Variants in OXCT1 observed in about 807,000 individuals in gnomAD.
OXCT1 encodes succinyl-CoA:3-ketoacid coenzyme A transferase 1, mitochondrial.
In OXCT1, 27 loss-of-function variants were observed where a neutral mutation model predicts 69.6. The ratio of observed to expected loss-of-function variants is 0.39; its 90% CI spans 0.29 to 0.54. OXCT1 has a LOEUF of 0.54. OXCT1 is among the 20% of genes least tolerant of loss of function. The pLI is 0.72. For synonymous variants in OXCT1, 202 were observed against 217.8 expected (o/e 0.93, Z 0.64); for missense variants, 437 against 650.2 (o/e 0.67, Z 3.57).
At position 41,849,276 on chromosome 5, in the gene OXCT1, G is replaced by T. The variant is rs1399575331; in HGVS notation, c.564+754C>A. Among the ~76,000 whole-genome samples, 4 of 152,246 alleles carry T rather than the reference G, an allele frequency of 2.6e-5. No homozygotes were observed. In the East Asian group the frequency reaches 7.7e-4, roughly 29 times the overall value. ...GATAAGAGATCCCCTGATTTACTAC[G>T]TTCACTTCCCCAGAGATGACTACAG... On this transcript the variant is annotated intron_variant, in intron 5 of 16. Transcript: ENST00000196371.
chr5:41,856,640 C>T (rs1749442559), intron 3 of OXCT1, among the ~76,000 whole-genome samples: 1 of 152,170 alleles, frequency 6.6e-6, no homozygotes, highest in Admixed American at 6.5e-5. Context: ...ACCTCCTACT[C>T]AACGTGTTTT....
chr5:41,824,870 G>A (rs1266898339), intron 7 of OXCT1, among the ~76,000 whole-genome samples: 1 of 152,114 alleles, frequency 6.6e-6, no homozygotes, highest in Admixed American at 6.6e-5. Flanking sequence ...GCCTGAGTTT[G>A]GTAATAACGA....
chr5:41,778,052 G>A (rs1404810449), intron 13 of OXCT1, among the ~76,000 whole-genome samples: 2 of 152,168 alleles, frequency 1.3e-5, no homozygotes, highest in Non-Finnish European at 2.9e-5. Flanking sequence ...ACATGTACTT[G>A]AGTCAAAGCT....
At chr5:41,788,219 C>T (rs557845801) in intron 13 of OXCT1, among the ~76,000 whole-genome samples, 1 of 151,894 alleles carries the variant, frequency 6.6e-6, no homozygotes, top group South Asian at 2.1e-4. Context: ...ATATGGTAGA[C>T]CCTAGAGAAG....
intron 12 of OXCT1, chr5:41,794,326 T>C (rs1746074654): frequency 8.4e-6 from 5 of 595,180 alleles, no homozygotes; most frequent in Non-Finnish European, 1.5e-5. Context: ...AGGAAGACTG[T>C]TTCCTTCAGT....
chr5:41,766,690 G>C (rs983023419), intron 13 of OXCT1, among the ~76,000 whole-genome samples: 1 of 151,904 alleles, frequency 6.6e-6, no homozygotes, highest in Non-Finnish European at 1.5e-5. Context: ...GTGAAATGCT[G>C]TTTAAAATAA....
At chr5:41,827,861 C>T (rs1747885457) in intron 7 of OXCT1, among the ~76,000 whole-genome samples, 1 of 152,202 alleles carries the variant, frequency 6.6e-6, no homozygotes, top group Non-Finnish European at 1.5e-5. Context: ...TCACCATCCT[C>T]AAAGTCTCTC....
intron 7 of OXCT1, among the ~76,000 whole-genome samples, chr5:41,830,449 G>A (rs562163926): frequency 2.6e-5 from 4 of 152,286 alleles, no homozygotes; most frequent in East Asian, 1.9e-4. Context: ...CTCATTCTAC[G>A]TAGCTAACTG....
Position 41,731,423 on chromosome 5 carries a change from G to T in OXCT1, c.*306C>A. On this transcript the variant is annotated 3_prime_UTR_variant, in exon 17 of 17. Coordinates refer to ENST00000196371, the MANE Select transcript of OXCT1 (RefSeq NM_000436.4). The stretch of plus-strand genomic sequence containing the variant: ...CATCAATTTCTAGGGCCCTTCTTGG[G>T]GAAAGGTTCATATAATTTAGCATAC... The T allele has an allele frequency of 9.6e-7, 1 of 1,046,632 alleles. No individual in the cohort carries two copies. The highest frequency in any genetic ancestry group is 1.2e-6 in the Non-Finnish European group (1 of 852,858). 64.8% of individuals were successfully genotyped at this position (1,046,632 alleles called of 1,614,324 possible).
intron 15 of OXCT1, 45 bp downstream of exon 15, chr5:41,749,482 A>G: frequency 7.9e-7 from 1 of 1,267,642 alleles, no homozygotes; most frequent in Non-Finnish European, 1.2e-6. Context: ...ACTTTCTAAA[A>G]ATGCTTACTT....
intron 16 of OXCT1, among the ~76,000 whole-genome samples, chr5:41,734,918 T>A (rs1306650175): frequency 2.6e-5 from 4 of 152,096 alleles, no homozygotes; most frequent in African/African-American, 9.7e-5. Flanking sequence ...CTCACAGCCA[T>A]TAGAATGGCC....
chr5:41,859,755 T>A (rs1192898154), intron 3 of OXCT1, among the ~76,000 whole-genome samples: 1 of 151,290 alleles, frequency 6.6e-6, no homozygotes, highest in Non-Finnish European at 1.5e-5. Flanking sequence ...AGCAGAGGGG[T>A]CACTGCCTTT....
At chr5:41,866,157 C>G (rs1200843035) in intron 1 of OXCT1, among the ~76,000 whole-genome samples, 1 of 151,878 alleles carries the variant, frequency 6.6e-6, no homozygotes. Context: ...TTGGAAAATG[C>G]AAACTTTTCT....
chr5:41,831,981 G>C (rs923780226), intron 7 of OXCT1, among the ~76,000 whole-genome samples: 2 of 152,156 alleles, frequency 1.3e-5, no homozygotes, highest in African/African-American at 4.8e-5. Flanking sequence ...TGGAGAGGTG[G>C]TGGAGCAAGA....
At chr5:41,834,365 T>C (rs937728532) in intron 7 of OXCT1, among the ~76,000 whole-genome samples, 1 of 151,292 alleles carries the variant, frequency 6.6e-6, no homozygotes, top group Non-Finnish European at 1.5e-5. Context: ...AGTAGCTGAA[T>C]GGATGAAAAA....
At chr5:41,843,420 G>A (rs1423086340) in intron 5 of OXCT1, among the ~76,000 whole-genome samples, 1 of 152,062 alleles carries the variant, frequency 6.6e-6, no homozygotes, top group Non-Finnish European at 1.5e-5. Context: ...TAGGTACTTA[G>A]TGGTTTCTCT....
chr5:41,747,276 C>T (rs1195767741), intron 15 of OXCT1, among the ~76,000 whole-genome samples: 1 of 152,064 alleles, frequency 6.6e-6, no homozygotes, highest in African/African-American at 2.4e-5. Flanking sequence ...TAGGACAAGC[C>T]ATGTTTTCTT....
intron 6 of OXCT1, 128 bp downstream of exon 6, chr5:41,842,545 ATG>A: frequency 1.3e-6 from 1 of 751,724 alleles, no homozygotes; most frequent in Admixed American, 1.8e-5. Flanking sequence ...ACACCTATAT[ATG>A]TGCAATACAC....
At chr5:41,770,832 T>C (rs574933865) in intron 13 of OXCT1, among the ~76,000 whole-genome samples, 33 of 152,298 alleles carry the variant, frequency 2.2e-4, no homozygotes, top group African/African-American at 7.9e-4. Context: ...TTGTATACAT[T>C]AGATTTGATA....
Sources: gnomAD v4.1 joint callset for allele counts (sites outside exome capture counted in the v4.1 genomes callset) on GRCh38, gnomAD v4.1.1 for gene constraint, MANE v1.5 for transcripts, NCBI Gene and HGNC (gene_info 2026-07-23, HGNC 2026-07-21) for gene names.